GDA: variants seen among roughly 807,000 people sequenced by gnomAD.
GDA encodes the protein guanine deaminase.
Under a neutral mutation model 59.6 loss-of-function variants are expected in GDA, and 18 were observed. The ratio of observed to expected loss-of-function variants is 0.30; its 90% confidence interval spans 0.21 to 0.45. GDA has a LOEUF of 0.45. Ranked by LOEUF, GDA falls within the 20% of genes least tolerant of loss-of-function variation. The pLI, the probability that GDA is intolerant of heterozygous loss-of-function variation, is 1.00. For missense variants in GDA, 427 were observed against 552.3 expected (o/e 0.77, Z 2.27); for synonymous variants, 201 against 201.1 (o/e 1.00, Z 0.00).
chr9:72,208,570 C>G (rs1835004579), intron 3 of GDA, among the ~76,000 whole-genome samples: 1 of 152,136 alleles, frequency 6.6e-6, no homozygotes, highest in Non-Finnish European at 1.5e-5. Context: ...TGCCTCTTTC[C>G]TGCGTTTAAT....
At chr9:72,148,155 T>C (rs887662726), upstream of GDA, among the ~76,000 whole-genome samples, 2 of 152,146 alleles carry the variant, frequency 1.3e-5, no homozygotes, top group Non-Finnish European at 2.9e-5. Context: ...ACCCTTTATG[T>C]AGTTGTCAAA....
chr9:72,190,154 T>C lies in GDA; in HGVS notation c.124-5346T>C, dbSNP rs533782866. Among the ~76,000 whole-genome samples the C allele has an allele frequency of 6.6e-5, 10 of 152,230 alleles. No individual in the cohort carries two copies. In the South Asian group the frequency reaches 2.1e-3, roughly 32 times the overall value. On this transcript the variant is annotated intron_variant, in intron 1 of 13. Transcript: ENST00000358399. Reference sequence around the variant, plus strand: ...TGTTTTTGTTTTGTTTGAGACAAAGTCTCTGCTGTGTTGTGCAGGCTGGAG... The same window carrying C: ...TGTTTTTGTTTTGTTTGAGACAAAGCCTCTGCTGTGTTGTGCAGGCTGGAG...
intron 2 of GDA, among the ~76,000 whole-genome samples, chr9:72,201,019 ATACT>A (rs1370890878): frequency 1.3e-5 from 2 of 152,100 alleles, no homozygotes; most frequent in South Asian, 2.1e-4. Flanking sequence ...CAGTACTCTC[ATACT>A]TACTAAGTTT....
At chr9:72,123,482 CTTTTTTTTT>C (rs11357949) in intron 1 of GDA, among the ~76,000 whole-genome samples, 1 of 76,656 alleles carries the variant, frequency 1.3e-5, no homozygotes, top group Non-Finnish European at 2.5e-5. Context: ...CATGCCCGGC[CTTTTTTTTT>C]TTTTTTTTTT....
chr9:72,154,119 A>G (rs1827600437), intron 1 of GDA, among the ~76,000 whole-genome samples: 1 of 152,136 alleles, frequency 6.6e-6, no homozygotes, highest in South Asian at 2.1e-4. Flanking sequence ...TGGGCCTTTT[A>G]ATGCACACTT....
intron 2 of GDA, among the ~76,000 whole-genome samples, chr9:72,200,223 C>T (rs1587613173): frequency 6.6e-6 from 1 of 151,966 alleles, no homozygotes; most frequent in Non-Finnish European, 1.5e-5. Flanking sequence ...GTCTCGATCT[C>T]CTGACCTCGT....
intron 3 of GDA, among the ~76,000 whole-genome samples, chr9:72,206,765 C>T (rs1434985092): frequency 6.6e-6 from 1 of 151,996 alleles, no homozygotes; most frequent in Non-Finnish European, 1.5e-5. Flanking sequence ...GAGTGAGACT[C>T]CATCTCAATA....
intron 10 of GDA, among the ~76,000 whole-genome samples, chr9:72,239,036 T>A (rs1839323376): frequency 6.6e-6 from 1 of 152,190 alleles, no homozygotes; most frequent in Admixed American, 6.5e-5. Flanking sequence ...CCTACCACAG[T>A]GCCTCTAGCC....
At chr9:72,146,533 C>G (rs1231478554), upstream of GDA, among the ~76,000 whole-genome samples, 3 of 151,976 alleles carry the variant, frequency 2.0e-5, no homozygotes, top group Non-Finnish European at 4.4e-5. Flanking sequence ...CCCTGTTGCC[C>G]ACGCTGGAGT....
chr9:72,250,792 AC>A lies in GDA; in HGVS notation c.*2452del. 1.2e-6 allele frequency: 2 copies of A among 1,609,564 alleles called. No homozygotes were observed. The highest frequency in any genetic ancestry group is 3.3e-4 in the Middle Eastern group (2 of 6,058). On this transcript the variant is annotated 3_prime_UTR_variant, in exon 14 of 14. Transcript: ENST00000358399. ...TACCAGCCTCCTCACCCCATCCTCC[AC>A]CATTTCCTTAATGTTCCATGGTATT... is the stretch of plus-strand genomic sequence containing the variant.
chr9:72,129,200 T>C (rs1024306419), intron 1 of GDA, among the ~76,000 whole-genome samples: 1 of 152,162 alleles, frequency 6.6e-6, no homozygotes, highest in African/African-American at 2.4e-5. Context: ...TGACCTCAGG[T>C]TATCCACCTG....
intron 1 of GDA, among the ~76,000 whole-genome samples, chr9:72,133,320 T>C (rs915684324): frequency 2.8e-5 from 4 of 144,012 alleles, no homozygotes; most frequent in African/African-American, 1.0e-4. Context: ...ATAATAATAA[T>C]AATAATAATA....
At chr9:72,214,791 T>G (rs1056264180) in intron 5 of GDA, 44 of 300,264 alleles carry the variant, frequency 1.5e-4, no homozygotes, top group Admixed American at 2.4e-4. Flanking sequence ...TGGAGTGCAA[T>G]GGCGCGATCT....
chr9:72,238,287 A>G (rs981521927), intron 10 of GDA, among the ~76,000 whole-genome samples: 1 of 152,174 alleles, frequency 6.6e-6, no homozygotes, highest in African/African-American at 2.4e-5. Context: ...CTCTGTTTAT[A>G]TGGCTGAGTT....
chr9:72,132,070 C>T (rs1826043502), intron 1 of GDA, among the ~76,000 whole-genome samples: 1 of 152,204 alleles, frequency 6.6e-6, no homozygotes, highest in African/African-American at 2.4e-5. Flanking sequence ...ATCATGAGAA[C>T]AGTGCAGGAA....
At chr9:72,231,268 G>GT in intron 10 of GDA, 87 bp downstream of exon 10, 4 of 689,248 alleles carry the variant, frequency 5.8e-6, no homozygotes, top group Admixed American at 5.2e-5. Context: ...TGACTGTTCT[G>GT]TTTAAAAAAA....
chr9:72,237,909 A>G (rs1278906853), intron 10 of GDA, among the ~76,000 whole-genome samples: 1 of 152,008 alleles, frequency 6.6e-6, no homozygotes, highest in East Asian at 1.9e-4. Flanking sequence ...GCAAGCTGCC[A>G]TCGTTTCCTG....
At chr9:72,202,472 G>A (rs1834115537) in intron 2 of GDA, 99 bp from the exon 3 acceptor site, 1 of 751,710 alleles carries the variant, frequency 1.3e-6, no homozygotes, top group Non-Finnish European at 2.2e-6. Flanking sequence ...ACCTGTGTGG[G>A]TGAACAGTGA....
At chr9:72,168,399 T>C (rs1829573568) in intron 1 of GDA, among the ~76,000 whole-genome samples, 1 of 148,438 alleles carries the variant, frequency 6.7e-6, no homozygotes, top group African/African-American at 2.5e-5. Flanking sequence ...TCTTTTTTTT[T>C]TTTTTTTTTT....
Sources: allele counts gnomAD v4.1 joint callset (sites outside exome capture counted in the v4.1 genomes callset), GRCh38; gene constraint gnomAD v4.1.1; transcripts MANE v1.5; gene names NCBI Gene and HGNC (gene_info 2026-07-23, HGNC 2026-07-21).